The following ROBO2 variants were observed in gnomAD, a reference collection of about 807,000 sequenced individuals.
The protein encoded by ROBO2 is roundabout guidance receptor 2.
In ROBO2, 53 loss-of-function variants were observed where a neutral mutation model predicts 160.8. The ratio of observed to expected loss-of-function variants is 0.33; its 90% CI spans 0.26 to 0.41. The LOEUF (loss-of-function observed/expected upper bound fraction) is 0.41, where lower values mean the gene tolerates loss of function less well. ROBO2 is among the 10% of genes least tolerant of loss of function. The probability of loss-of-function intolerance (pLI) is 1.00; values close to 1 mark genes in which losing one functional copy is unlikely to be tolerated. For missense variants in ROBO2, 1,577 were observed against 1,722.4 expected, an observed-to-expected ratio of 0.92 and a Z score of 1.49; for synonymous variants, 664 against 611.7, an observed-to-expected ratio of 1.09 and a Z score of -1.26.
chr3:76,815,177 A>G (rs1282205891), intron 2 of ROBO2, among the ~76,000 whole-genome samples: 3 of 152,092 alleles, frequency 2.0e-5, no homozygotes, highest in African/African-American at 7.2e-5. Flanking sequence ...TTTAGTATCT[A>G]AATTTTTGTA....
chr3:77,426,465 G>C (rs2078213921), intron 2 of ROBO2, among the ~76,000 whole-genome samples: 1 of 152,016 alleles, frequency 6.6e-6, no homozygotes. Context: ...TGAGATTAAG[G>C]TAACAGATAA....
At chr3:77,617,819 G>T (rs1345357791) in intron 22 of ROBO2, 46 bp downstream of exon 23, 12 of 1,602,366 alleles carry the variant, frequency 7.5e-6, no homozygotes, top group Non-Finnish European at 1.0e-5. Context: ...TCAACACATG[G>T]AAATTTTTTT....
intron 2 of ROBO2, among the ~76,000 whole-genome samples, chr3:77,155,295 T>C (rs1014652353): frequency 6.6e-6 from 1 of 152,026 alleles, no homozygotes; most frequent in Non-Finnish European, 1.5e-5. Flanking sequence ...GACTTTAACA[T>C]AGGGAGATTA....
At chr3:77,123,969 C>T (rs1579180008) in intron 2 of ROBO2, among the ~76,000 whole-genome samples, 1 of 149,564 alleles carries the variant, frequency 6.7e-6, no homozygotes, top group Admixed American at 6.7e-5. Context: ...TGTAGATAAT[C>T]TATCTATATA....
At chr3:76,049,403 A>ATATATATATATATTTTT (rs1414664360) in intron 2 of ROBO2, among the ~76,000 whole-genome samples, 1 of 53,750 alleles carries the variant, frequency 1.9e-5, no homozygotes, top group African/African-American at 1.5e-4. Flanking sequence ...ATATATATAT[A>ATATATATATATATTTTT]TTTTTTTTTT....
chr3:77,495,529 G>T (rs879232390), intron 5 of ROBO2, among the ~76,000 whole-genome samples: 1 of 152,098 alleles, frequency 6.6e-6, no homozygotes, highest in African/African-American at 2.4e-5. Context: ...TTCTGCATTT[G>T]TTCTCATATC....
rs917837989 is a variant in ROBO2 at position 76,139,701 on chromosome 3, C to G, written c.109+202099C>G. Among the ~76,000 whole-genome samples the G allele has an allele frequency of 1.1e-4, 17 of 152,060 alleles. No homozygotes were observed. The East Asian group carries it at 3.3e-3, about 29-fold the overall frequency. ...CAGTTATAAAACCTTTAGAATACATCTTGAAATATATAGTTATAAAAATAT... is the reference window on the plus strand; with the variant it reads ...CAGTTATAAAACCTTTAGAATACATGTTGAAATATATAGTTATAAAAATAT... On this transcript the variant is annotated intron_variant, in intron 2 of 26. Coordinates refer to the ROBO2 transcript ENST00000487694.
At chr3:76,291,146 A>G (rs959078094) in intron 2 of ROBO2, among the ~76,000 whole-genome samples, 11 of 152,098 alleles carry the variant, frequency 7.2e-5, no homozygotes, top group African/African-American at 2.4e-4. Flanking sequence ...CAATGGGTAG[A>G]ATCTGGCTGT....
intron 2 of ROBO2, among the ~76,000 whole-genome samples, chr3:76,948,874 T>TTA (rs71104642): frequency 0.042 from 2,027 of 48,504 alleles, 85 homozygotes; most frequent in Non-Finnish European, 0.053. Flanking sequence ...CCGGCTAATT[T>TTA]TATATATATA....
chr3:76,548,294 T>C (rs1269263765), intron 2 of ROBO2, among the ~76,000 whole-genome samples: 1 of 152,142 alleles, frequency 6.6e-6, no homozygotes, highest in East Asian at 1.9e-4. Flanking sequence ...AAAAATGAAA[T>C]TTTGTAGTAA....
chr3:76,383,885 C>T (rs773939119), intron 2 of ROBO2, among the ~76,000 whole-genome samples: 14 of 152,156 alleles, frequency 9.2e-5, no homozygotes, highest in Non-Finnish European at 1.8e-4. Flanking sequence ...ATTTTCTATG[C>T]GTCAGGGAAA....
chr3:76,298,741 G>GAA (rs1559731774), intron 2 of ROBO2, among the ~76,000 whole-genome samples: 1 of 152,032 alleles, frequency 6.6e-6, no homozygotes, highest in Non-Finnish European at 1.5e-5. Context: ...CCAAGATTCC[G>GAA]CCATTGGTTA....
intron 2 of ROBO2, among the ~76,000 whole-genome samples, chr3:76,439,870 G>T (rs905730385): frequency 6.6e-6 from 1 of 152,076 alleles, no homozygotes; most frequent in African/African-American, 2.4e-5. Flanking sequence ...CTCCCACGAT[G>T]GGTAGTTCAT....
intron 2 of ROBO2, among the ~76,000 whole-genome samples, chr3:77,362,081 A>G (rs562840991): frequency 8.5e-4 from 130 of 152,310 alleles, no homozygotes; most frequent in African/African-American, 2.9e-3. Context: ...TGACATTCAT[A>G]CATATAGGGG....
At chr3:76,442,615 C>T (rs1030878102) in intron 2 of ROBO2, among the ~76,000 whole-genome samples, 3 of 152,070 alleles carry the variant, frequency 2.0e-5, no homozygotes, top group Admixed American at 6.6e-5. Context: ...AAATATTCAG[C>T]GGAAAATTTC....
At chr3:76,178,100 T>C (rs1575764074) in intron 2 of ROBO2, among the ~76,000 whole-genome samples, 1 of 152,332 alleles carries the variant, frequency 6.6e-6, no homozygotes, top group South Asian at 2.1e-4. Flanking sequence ...ATTTGAAGCA[T>C]GATCTTTTAA....
At chr3:76,883,461 T>C (rs966057470) in intron 2 of ROBO2, among the ~76,000 whole-genome samples, 1 of 152,188 alleles carries the variant, frequency 6.6e-6, no homozygotes, top group Non-Finnish European at 1.5e-5. Flanking sequence ...ACTTGTTATC[T>C]GGGTTCTTCA....
chr3:76,056,847 C>T (rs1288586039), intron 2 of ROBO2, among the ~76,000 whole-genome samples: 5 of 152,112 alleles, frequency 3.3e-5, no homozygotes, highest in Admixed American at 1.3e-4. Context: ...AGTGTAATGT[C>T]AGATGTAGTA....
intron 2 of ROBO2, among the ~76,000 whole-genome samples, chr3:77,304,505 A>AG (rs2062929200): frequency 6.6e-6 from 1 of 152,158 alleles, no homozygotes; most frequent in East Asian, 1.9e-4. Flanking sequence ...TTTGCCACAT[A>AG]TATTACTGCA....
Sources: allele counts gnomAD v4.1 joint callset (sites outside exome capture counted in the v4.1 genomes callset), GRCh38; gene constraint gnomAD v4.1.1; transcripts MANE v1.5; gene names NCBI Gene and HGNC (gene_info 2026-07-23, HGNC 2026-07-21).